Variants in RYR3 observed in about 807,000 individuals in gnomAD.
RYR3 encodes the protein brain ryanodine receptor-calcium release channel.
RYR3 carries 207 observed loss-of-function variants against 584.3 expected under a neutral mutation model. The ratio of observed to expected loss-of-function variants is 0.35; its 90% CI spans 0.32 to 0.40. RYR3 has a LOEUF of 0.40. Among genes scored for constraint, RYR3 ranks in the 10% least tolerant of loss-of-function variants. The pLI is 1.00. For missense variants in RYR3, 5,616 were observed against 6,089.2 expected (o/e 0.92, Z 2.59); for synonymous variants, 2,416 against 2,248.5 (o/e 1.07, Z -2.11).
At chr15:33,735,328 G>C (rs770963539) in intron 48 of RYR3, among the ~76,000 whole-genome samples, 3 of 152,236 alleles carry the variant, frequency 2.0e-5, no homozygotes, top group Non-Finnish European at 4.4e-5. Context: ...CACAAGGCCA[G>C]CTCCAGAAAC....
intron 62 of RYR3, among the ~76,000 whole-genome samples, chr15:33,771,393 G>A (rs1380200888): frequency 6.6e-6 from 1 of 151,950 alleles, no homozygotes; most frequent in African/African-American, 2.4e-5. Context: ...AATTAGCTGG[G>A]CGTGGTGGCG....
chr15:33,676,365 C>T (rs777999301), intron 38 of RYR3, among the ~76,000 whole-genome samples: 10 of 152,078 alleles, frequency 6.6e-5, no homozygotes, highest in Admixed American at 1.3e-4. Context: ...ATCATAGGAC[C>T]GGAAATTTCT....
chr15:33,613,081 C>A, intron 18 of RYR3, 102 bp from the exon 19 acceptor site: 1 of 787,638 alleles, frequency 1.3e-6, no homozygotes, highest in Non-Finnish European at 2.1e-6. Flanking sequence ...CTCTTGAGTA[C>A]CCATCACACC....
At chr15:33,559,980 A>G (rs999665327) in intron 10 of RYR3, among the ~76,000 whole-genome samples, 2 of 152,202 alleles carry the variant, frequency 1.3e-5, no homozygotes, top group Non-Finnish European at 2.9e-5. Flanking sequence ...GGGATATAAG[A>G]ACTTTAGAGA....
intron 69 of RYR3, chr15:33,802,180 C>CA: frequency 2.9e-6 from 2 of 682,530 alleles, no homozygotes; most frequent in Non-Finnish European, 5.5e-6. Context: ...GCTTGTATGT[C>CA]AAAAAGCTTA....
At chr15:33,366,390 A>G (rs1390198346) in intron 1 of RYR3, among the ~76,000 whole-genome samples, 1 of 152,178 alleles carries the variant, frequency 6.6e-6, no homozygotes, top group Non-Finnish European at 1.5e-5. Flanking sequence ...TTTCAACAGT[A>G]GTTAATATAT....
chr15:33,852,255 C>T (rs1051145636), intron 94 of RYR3: 5 of 152,124 alleles, frequency 3.3e-5, no homozygotes, highest in African/African-American at 1.2e-4. Context: ...AACCCCCCCA[C>T]AGGAAGGATT....
rs932004621 is a variant in RYR3 at position 33,865,873 on chromosome 15, G to A, written c.*647G>A. On this transcript the variant is annotated 3_prime_UTR_variant, in exon 104 of 104. Transcript: ENST00000634891. ...GTTGTGATCTTCCGTCTTACTTTAT[G>A]AAACTGCACTTGAAGGTTATTCATA... The A allele has an allele frequency of 6.6e-6, 1 of 152,550 alleles. No individual in the cohort carries two copies. 9.4% of individuals were successfully genotyped at this position (152,550 alleles called of 1,614,324 possible).
chr15:33,456,441 C>T (rs1220618950), intron 1 of RYR3, among the ~76,000 whole-genome samples: 4 of 151,860 alleles, frequency 2.6e-5, no homozygotes, highest in African/African-American at 7.3e-5. Context: ...TTTTATAAGC[C>T]CTGCTGTGTG....
intron 44 of RYR3, among the ~76,000 whole-genome samples, 172 bp from the exon 45 acceptor site, chr15:33,723,893 A>G (rs2068136931): frequency 6.6e-6 from 1 of 152,196 alleles, no homozygotes; most frequent in South Asian, 2.1e-4. Context: ...GGGTTCCTTG[A>G]GCTTAATGAA....
intron 5 of RYR3, among the ~76,000 whole-genome samples, chr15:33,534,380 G>A (rs988881349): frequency 6.6e-6 from 1 of 152,256 alleles, no homozygotes; most frequent in African/African-American, 2.4e-5. Context: ...CAGCCTGGGG[G>A]AGAAGAGCGA....
At chr15:33,517,189 T>G (rs1005933070) in intron 3 of RYR3, among the ~76,000 whole-genome samples, 2 of 152,176 alleles carry the variant, frequency 1.3e-5, no homozygotes, top group African/African-American at 4.8e-5. Flanking sequence ...GAGATGAGGT[T>G]TCACCGTGTT....
At chr15:33,733,437 G>C (rs2069133755) in intron 48 of RYR3, among the ~76,000 whole-genome samples, 1 of 152,188 alleles carries the variant, frequency 6.6e-6, no homozygotes, top group African/African-American at 2.4e-5. Context: ...GAGCTATCAA[G>C]CAATGAAAAT....
At position 33,608,400 on chromosome 15, in the gene RYR3, T is replaced by G. The variant is rs1478100525; in HGVS notation, c.2165-4783T>G. On this transcript the variant is annotated intron_variant, in intron 18 of 103. Transcript: ENST00000634891. Reference sequence around the variant, plus strand: ...TAAGCCATGAAAGCCCTCACAGGGGTGGAGATTACTTTCTCTGCATGTGAG... The same window carrying G: ...TAAGCCATGAAAGCCCTCACAGGGGGGGAGATTACTTTCTCTGCATGTGAG... Among the ~76,000 whole-genome samples the G allele has an allele frequency of 3.9e-5, 6 of 152,176 alleles. No homozygotes were observed. In the South Asian group the frequency reaches 1.2e-3, roughly 32 times the overall value.
Position 33,385,515 on chromosome 15 carries a change from T to C in RYR3, c.51+74419T>C, listed in dbSNP as rs375181588. 3.9e-5 allele frequency among the ~76,000 whole-genome samples: 6 copies of C among 152,140 alleles called. No individual in the cohort carries two copies. In the East Asian group the frequency reaches 1.2e-3, roughly 29 times the overall value. On this transcript the variant is annotated intron_variant, in intron 1 of 103. Transcript: ENST00000634891. ...ATGAGACTCCAAAGTTAAAAAGTACTTACCTATTGTCCTACGTTAAAAACA... is the reference window on the plus strand; with the variant it reads ...ATGAGACTCCAAAGTTAAAAAGTACCTACCTATTGTCCTACGTTAAAAACA...
At chr15:33,389,286 A>G (rs2041839778) in intron 1 of RYR3, among the ~76,000 whole-genome samples, 1 of 152,156 alleles carries the variant, frequency 6.6e-6, no homozygotes, top group Non-Finnish European at 1.5e-5. Flanking sequence ...TACAAAGGAA[A>G]CCCATACAGA....
At chr15:33,607,087 G>A (rs762843979) in intron 18 of RYR3, among the ~76,000 whole-genome samples, 21 of 152,238 alleles carry the variant, frequency 1.4e-4, no homozygotes, top group African/African-American at 4.8e-4. Flanking sequence ...CTATGTGGAC[G>A]AGATCCGAGG....
At chr15:33,639,505 TAAGAA>T (rs950393379) in intron 27 of RYR3, among the ~76,000 whole-genome samples, 2 of 152,178 alleles carry the variant, frequency 1.3e-5, no homozygotes, top group African/African-American at 4.8e-5. Flanking sequence ...CTTGAGTTGT[TAAGAA>T]AAGCATCTGT....
chr15:33,721,065 G>C (rs1026875930), intron 43 of RYR3, among the ~76,000 whole-genome samples: 3 of 152,158 alleles, frequency 2.0e-5, no homozygotes, highest in African/African-American at 2.4e-5. Context: ...CTAATGAATA[G>C]GATATGACTA....
Sources: gnomAD v4.1 joint callset for allele counts (sites outside exome capture counted in the v4.1 genomes callset) on GRCh38, gnomAD v4.1.1 for gene constraint, MANE v1.5 for transcripts, NCBI Gene and HGNC (gene_info 2026-07-23, HGNC 2026-07-21) for gene names.